The following VPS13C variants were observed in gnomAD, a reference collection of about 807,000 sequenced individuals.
VPS13C encodes the protein vacuolar protein sorting 13 homolog C.
Under a neutral mutation model 456.8 loss-of-function variants are expected in VPS13C, and 358 were observed. That is an observed-to-expected ratio of 0.78 (90% CI 0.72 to 0.86). The LOEUF is 0.86. Among genes scored for constraint, VPS13C ranks in the 40% least tolerant of loss-of-function variants. The pLI, the probability that VPS13C is intolerant of heterozygous loss-of-function variation, is 0.00. For missense variants in VPS13C, 4,818 were observed against 4,385.4 expected (o/e 1.10, Z -2.79); for synonymous variants, 1,578 against 1,486.7 (o/e 1.06, Z -1.41).
Position 61,874,818 on chromosome 15 carries a change from G to A in VPS13C, c.10414+58C>T, listed in dbSNP as rs6494299. 0.56 allele frequency: 790,128 copies of A among 1,422,598 alleles called. 221,346 individuals carry two copies. Among genetic ancestry groups the A allele is most frequent in the Admixed American group, 0.67 (30,427 of 45,498 alleles). The allele number at this position is 1,422,598 out of a possible 1,614,324, so 88.1% of individuals were successfully genotyped here. A position where few individuals can be genotyped will look rare whatever the true frequency, so the allele number is the denominator to read the frequency against. On this transcript the variant is annotated intron_variant, in intron 77 of 84. Transcript: ENST00000644861. ...AAAAGCATTTGTTTTTCATAACAACGTATTTCATAACAATATAATAAAAAA... is the reference window on the plus strand; with the variant it reads ...AAAAGCATTTGTTTTTCATAACAACATATTTCATAACAATATAATAAAAAA...
chr15:61,942,474 G>C (rs1445933520), intron 45 of VPS13C, among the ~76,000 whole-genome samples: 1 of 150,824 alleles, frequency 6.6e-6, no homozygotes, highest in East Asian at 1.9e-4. Context: ...GTTCAATTCT[G>C]TACTGCTAGG....
chr15:62,019,040 G>T (rs562571954), intron 9 of VPS13C, among the ~76,000 whole-genome samples: 72 of 152,070 alleles, frequency 4.7e-4, no homozygotes, highest in African/African-American at 1.7e-3. Context: ...CGAGGAATTT[G>T]TCCATTTCTT....
chr15:61,931,532 A>C (rs2044055350), intron 49 of VPS13C, among the ~76,000 whole-genome samples: 1 of 151,978 alleles, frequency 6.6e-6, no homozygotes, highest in Non-Finnish European at 1.5e-5. Flanking sequence ...AAAAATAATT[A>C]GGAAAGAGCT....
rs747635480 is a variant in VPS13C, at chr15:61,942,094, G to A, written c.5149-27C>T. ...TGTTGGAAGAGACAGATATTTAGGG[G>A]AAAAAAGGCATTTATTTTTAAAAGA... On this transcript the variant is annotated intron_variant, in intron 45 of 84. Transcript: ENST00000644861. 25 of 1,502,222 alleles carry A rather than the reference G, an allele frequency of 1.7e-5. No homozygotes were observed. In the South Asian group the frequency reaches 2.9e-4, roughly 18 times the overall value. 93.1% of individuals were successfully genotyped at this position (1,502,222 alleles called of 1,614,324 possible).
chr15:61,912,068 C>A, intron 62 of VPS13C, 64 bp from the exon 63 acceptor site: 1 of 1,313,108 alleles, frequency 7.6e-7, no homozygotes, highest in Non-Finnish European at 1.0e-6. Flanking sequence ...ATACACATCC[C>A]CTCATTCACA....
rs1025939532 is a variant in VPS13C, at chr15:61,925,194, A to C, written c.6609+262T>G. On this transcript the variant is annotated intron_variant, in intron 53 of 84. Coordinates refer to ENST00000644861, the MANE Select transcript of VPS13C (RefSeq NM_020821.3). ...TTCCCTCCTCCAACTCAACCCCCAC[A>C]ACACACGCATGCAAATAGAATAGAG... Among the ~76,000 whole-genome samples, 4 of 149,872 alleles carry C rather than the reference A, an allele frequency of 2.7e-5. No individual in the cohort carries two copies. The highest frequency in any genetic ancestry group is 4.4e-5 in the Non-Finnish European group (3 of 67,554).
chr15:62,012,179 T>C lies in VPS13C; in HGVS notation c.826-15A>G, dbSNP rs763032715. On this transcript the variant is annotated splice_polypyrimidine_tract_variant and intron_variant, in intron 11 of 84. Transcript: ENST00000644861. Reference sequence around the variant, plus strand: ...TTCAGCTGATCCTAAACAAAAAATTTGAATGAGAATGAAAAAGAAAATGCA... The same window carrying C: ...TTCAGCTGATCCTAAACAAAAAATTCGAATGAGAATGAAAAAGAAAATGCA... The C allele has an allele frequency of 1.4e-6, 2 of 1,473,418 alleles. No homozygotes were observed. Among genetic ancestry groups the C allele is most frequent in the Non-Finnish European group, 1.9e-6 (2 of 1,059,054 alleles). The allele number at this position is 1,473,418 out of a possible 1,614,324, so 91.3% of individuals were successfully genotyped here.
chr15:61,974,798 A>G (rs1480093159), intron 24 of VPS13C, among the ~76,000 whole-genome samples: 1 of 152,076 alleles, frequency 6.6e-6, no homozygotes, highest in Non-Finnish European at 1.5e-5. Context: ...ATTTCTTTCT[A>G]TATATAGCAC....
At chr15:61,954,065 A>T (rs892704687) in intron 38 of VPS13C, among the ~76,000 whole-genome samples, 5 of 152,158 alleles carry the variant, frequency 3.3e-5, no homozygotes, top group African/African-American at 4.8e-5. Context: ...ACTTTTTTTT[A>T]AAATGCAGGC....
Position 61,919,389 on chromosome 15 carries a change from T to A in VPS13C, c.7538A>T (p.Tyr2513Phe). ...IPVARPGRRL[Y>F]NVRNPNASHS... ...ACTGGCATTGGGATTCCGTACATTA[T>A]ACAATCGCCGTCCAGGTCTGGCCAC... Residue 2513 changes from tyrosine to phenylalanine, a missense_variant, in exon 58 of 85, where the codon TAT becomes TTT. Tyr to Phe is a conservative substitution (Grantham distance 22). Coordinates refer to ENST00000644861, the MANE Select transcript of VPS13C (RefSeq NM_020821.3). The A allele has an allele frequency of 6.2e-7, 1 of 1,603,526 alleles. No individual in the cohort carries two copies. Among genetic ancestry groups the A allele is most frequent in the Non-Finnish European group, 8.5e-7 (1 of 1,175,604 alleles).
chr15:62,041,212 CA>C lies in VPS13C; in HGVS notation c.187+111del, dbSNP rs567144075. On this transcript the variant is annotated intron_variant, in intron 3 of 84. Coordinates refer to ENST00000644861, the MANE Select transcript of VPS13C (RefSeq NM_020821.3). ...ACTCTACGAGCTCTAATTAATGAGGCAAAAAAAAATCTCTCACACTTTTAAT... is the reference window on the plus strand; with the variant it reads ...ACTCTACGAGCTCTAATTAATGAGGCAAAAAAAATCTCTCACACTTTTAAT... The C allele has an allele frequency of 1.7e-3, 1,743 of 1,055,766 alleles. 4 individuals are homozygous for C. Among genetic ancestry groups the C allele is most frequent in the East Asian group, 0.015 (584 of 37,890 alleles). 65.4% of individuals were successfully genotyped at this position (1,055,766 alleles called of 1,614,324 possible). A position where few individuals can be genotyped will look rare whatever the true frequency, so the allele number is the denominator to read the frequency against.
In VPS13C at chr15:61,867,871, C is replaced by A; in HGVS notation, c.10863+788G>T. 1 of 1,593,918 alleles carries A rather than the reference C, an allele frequency of 6.3e-7. No individual in the cohort carries two copies. Among genetic ancestry groups the A allele is most frequent in the Admixed American group, 1.8e-5 (1 of 56,694 alleles). ...GAATTCACACACAGTCAATTAACAC[C>A]ACAGTTTGTTTTGATTTTTAAGGAT... On this transcript the variant is annotated intron_variant, in intron 81 of 84. Coordinates refer to ENST00000644861, the MANE Select transcript of VPS13C (RefSeq NM_020821.3). This position sits in a 1 kb window ranked among gnomAD's most constrained non-coding sequence, Gnocchi z 5.0.
At chr15:61,916,292 C>A (rs2043469861) in intron 60 of VPS13C, among the ~76,000 whole-genome samples, 1 of 152,134 alleles carries the variant, frequency 6.6e-6, no homozygotes, top group Admixed American at 6.5e-5. Flanking sequence ...TATCAAGAGT[C>A]AAAGACTAGA....
intron 5 of VPS13C, among the ~76,000 whole-genome samples, chr15:62,031,126 T>G (rs1239589989): frequency 6.6e-6 from 1 of 152,114 alleles, no homozygotes; most frequent in Non-Finnish European, 1.5e-5. Context: ...AAAAATGAAC[T>G]CATAGTTTTA....
At chr15:61,920,758 A>G (rs1230719609) in intron 55 of VPS13C, 111 bp from the exon 56 acceptor site, 8 of 961,848 alleles carry the variant, frequency 8.3e-6, no homozygotes, top group Non-Finnish European at 1.1e-5. Context: ...ATGCTTCGCA[A>G]AAGTCTTATT....
At chr15:61,943,038 G>A (rs531356604) in intron 45 of VPS13C, among the ~76,000 whole-genome samples, 4 of 151,902 alleles carry the variant, frequency 2.6e-5, no homozygotes, top group Non-Finnish European at 5.9e-5. Context: ...AAAAAACAAA[G>A]TACCTAGAAA....
chr15:61,904,963 T>C (rs1258579449), intron 66 of VPS13C, among the ~76,000 whole-genome samples: 2 of 151,948 alleles, frequency 1.3e-5, no homozygotes, highest in Non-Finnish European at 2.9e-5. Context: ...GAGTTGATGT[T>C]GGTTACCAAA....
At position 61,922,649 on chromosome 15, in the gene VPS13C, G is replaced by T. The variant is rs1234536177; in HGVS notation, c.6723C>A (p.Ile2241=). 6.2e-7 allele frequency: 1 copy of T among 1,613,826 alleles called. No individual in the cohort carries two copies. Among genetic ancestry groups the T allele is most frequent in the African/African-American group, 1.3e-5 (1 of 74,944 alleles). ...AAGTGTTATAATCATTAATCGATTT[G>T]ATACCCCAAAGATTTTCCATTTCCT... The part of the protein sequence containing the change: ...TSKEMENLWG[I]KSINDYNTWF... The change falls in exon 54 of 85, where the codon ATC becomes ATA. Residue 2241 remains isoleucine, a synonymous_variant. Transcript: ENST00000644861.
At chr15:62,049,868 T>C (rs940823732) in intron 1 of VPS13C, among the ~76,000 whole-genome samples, 2 of 152,200 alleles carry the variant, frequency 1.3e-5, no homozygotes, top group East Asian at 3.8e-4. Context: ...GAAGCAATTA[T>C]GAATGGGAGT....
Sources: gnomAD v4.1 joint callset for allele counts (sites outside exome capture counted in the v4.1 genomes callset) on GRCh38, gnomAD v4.1.1 for gene constraint, Gnocchi (gnomAD v3.1) non-coding constraint, MANE v1.5 for transcripts, NCBI Gene and HGNC (gene_info 2026-07-23, HGNC 2026-07-21) for gene names.